GLT1D1: variants seen among roughly 807,000 people sequenced by gnomAD.
The protein encoded by GLT1D1 is glycosyltransferase 1 domain-containing protein 1.
GLT1D1 carries 21 observed loss-of-function variants against 28.7 expected under a neutral mutation model. The observed-to-expected ratio is 0.73, with a 90% CI of 0.52 to 1.05. GLT1D1 has a LOEUF of 1.05. Among genes scored for constraint, GLT1D1 ranks in the 50% least tolerant of loss-of-function variants. The pLI is 0.00. For synonymous variants in GLT1D1, 147 were observed against 124.8 expected, an observed-to-expected ratio of 1.18 and a Z score of -1.19; for missense variants, 343 against 330.6, an observed-to-expected ratio of 1.04 and a Z score of -0.29.
chr12:128,857,564 G>A (rs1956252167), intron 1 of GLT1D1, among the ~76,000 whole-genome samples: 1 of 152,110 alleles, frequency 6.6e-6, no homozygotes, highest in African/African-American at 2.4e-5. Flanking sequence ...TGGACGGGCG[G>A]GGAGGGAGGT....
At chr12:128,867,673 A>C (rs1470464497) in intron 1 of GLT1D1, among the ~76,000 whole-genome samples, 1 of 152,134 alleles carries the variant, frequency 6.6e-6, no homozygotes, top group African/African-American at 2.4e-5. Context: ...GCCATGGAGA[A>C]AGCTGACCTG....
chr12:128,888,816 C>T (rs1179998352), intron 3 of GLT1D1, 72 bp downstream of exon 3: 2 of 986,488 alleles, frequency 2.0e-6, no homozygotes, highest in Non-Finnish European at 3.1e-6. Context: ...AAACCAAAGA[C>T]CGAGGGCACC....
At position 128,888,644 on chromosome 12, in the gene GLT1D1, C is replaced by T. The variant is rs770732594; in HGVS notation, c.223C>T (p.Arg75Ter). Residue 75 changes from arginine (R) to a stop codon, truncating the protein, a stop_gained, in exon 3 of 8, where the codon CGA becomes TGA. Transcript: ENST00000281703. LOFTEE classifies it high-confidence loss of function. ...TGACTGTCATCGTTTTGCAGGCCAC[C>T]GAATCCCTTTTGGAGTCATCTTTGG... 2.1e-5 allele frequency: 34 copies of T among 1,608,798 alleles called. No homozygotes were observed. Among genetic ancestry groups the T allele is most frequent in the African/African-American group, 1.1e-4 (8 of 74,628 alleles).
rs191551333 is a variant in GLT1D1 at position 128,922,116 on chromosome 12, G to A, written c.375+22829G>A. ...TGTGTCACATATGGATGTGTACAGC[G>A]TCAGCTTGTCCCAATACTGGAGATC... On this transcript the variant is annotated intron_variant, in intron 4 of 7. Transcript: ENST00000281703. 1.0e-3 allele frequency among the ~76,000 whole-genome samples: 154 copies of A among 151,940 alleles called. 1 individual carries two copies. The highest frequency in any genetic ancestry group is 4.3e-4 in the Non-Finnish European group (29 of 67,978).
chr12:128,863,641 G>A (rs1331928580), intron 1 of GLT1D1, among the ~76,000 whole-genome samples: 1 of 152,136 alleles, frequency 6.6e-6, no homozygotes, highest in Non-Finnish European at 1.5e-5. Context: ...GCCTTCCAAA[G>A]TGCTGGGATT....
chr12:128,984,615 G>C lies in GLT1D1; in HGVS notation c.*1525G>C, dbSNP rs1880619724. The C allele has an allele frequency of 1.3e-5, 2 of 152,158 alleles. No homozygotes were observed. The highest frequency in any genetic ancestry group is 2.9e-5 in the Non-Finnish European group (2 of 68,112). 9.4% of individuals were successfully genotyped at this position (152,158 alleles called of 1,614,324 possible). ...ACCCCTTGTGTTTTCCCTCTGAGGG[G>C]CCCAAGGGTTATGGCTTTCATGTCT... On this transcript the variant is annotated 3_prime_UTR_variant, in exon 8 of 8. Coordinates refer to ENST00000281703, the MANE Select transcript of GLT1D1 (RefSeq NM_144669.3).
chr12:128,892,298 T>C (rs923127828), intron 3 of GLT1D1, among the ~76,000 whole-genome samples: 3 of 152,168 alleles, frequency 2.0e-5, no homozygotes, highest in African/African-American at 7.2e-5. Context: ...CGTGTGAGTG[T>C]GCATGTGTGT....
intron 1 of GLT1D1, among the ~76,000 whole-genome samples, chr12:128,865,510 T>C (rs1279182746): frequency 1.3e-5 from 2 of 151,936 alleles, no homozygotes; most frequent in Non-Finnish European, 2.9e-5. Flanking sequence ...ATCAAAATGT[T>C]AAAAAATATA....
At chr12:128,877,370 A>G (rs1027608151) in intron 2 of GLT1D1, among the ~76,000 whole-genome samples, 1 of 152,218 alleles carries the variant, frequency 6.6e-6, no homozygotes, top group Non-Finnish European at 1.5e-5. Flanking sequence ...AATGTGTCAC[A>G]CTTTCAAAAA....
At chr12:128,945,514 GGC>G in intron 5 of GLT1D1, 145 bp downstream of exon 9, 1 of 710,242 alleles carries the variant, frequency 1.4e-6, no homozygotes, top group South Asian at 1.6e-5. Flanking sequence ...GCGAGCCCGT[GGC>G]ATCCTAGGCA....
At chr12:128,945,935 G>T (rs774526787) in intron 5 of GLT1D1, among the ~76,000 whole-genome samples, 1 of 152,178 alleles carries the variant, frequency 6.6e-6, no homozygotes, top group African/African-American at 2.4e-5. Context: ...TGGGGTGATG[G>T]GAATGAGCAG....
At position 128,879,362 on chromosome 12, in the gene GLT1D1, CTTATTATTTTTTTCTTTTTCTTTCTT is replaced by C. The variant is rs1956947667; in HGVS notation, c.217+3302_217+3327del. 2.8e-5 allele frequency among the ~76,000 whole-genome samples: 4 copies of C among 140,570 alleles called. 1 individual carries two copies. Among genetic ancestry groups the C allele is most frequent in the African/African-American group, 1.1e-4 (4 of 35,250 alleles). 92.2% of individuals were successfully genotyped at this position (140,570 alleles called of 152,430 possible). On this transcript the variant is annotated intron_variant, in intron 2 of 7. Transcript: ENST00000281703. ...TTGTGTCATTTTCTGTAAAGTGATA[CTTATTATTTTTTTCTTTTTCTTTCTT>C]TCTTTCTTTCTTTCTTTCTTTCTTT... is the stretch of plus-strand genomic sequence containing the variant.
At chr12:128,941,905 C>CTTTTTTTTTTTTTTTTTTT (rs60663875) in intron 4 of GLT1D1, among the ~76,000 whole-genome samples, 21 of 75,350 alleles carry the variant, frequency 2.8e-4, no homozygotes, top group South Asian at 6.4e-4. Flanking sequence ...CTCTCTCTCT[C>CTTTTTTTTTTTTTTTTTTT]TTTTTTTTTT....
chr12:128,940,927 A>T (rs888135860), intron 4 of GLT1D1, among the ~76,000 whole-genome samples: 2 of 152,148 alleles, frequency 1.3e-5, no homozygotes, highest in Admixed American at 1.3e-4. Flanking sequence ...CCCCAAGAGG[A>T]TACCCTCTAT....
intron 2 of GLT1D1, among the ~76,000 whole-genome samples, chr12:128,881,583 T>C (rs1189566298): frequency 8.9e-6 from 1 of 111,736 alleles, no homozygotes; most frequent in Non-Finnish European, 1.8e-5. Flanking sequence ...TATATATATA[T>C]ATATATATAT....
At chr12:128,893,358 G>A (rs1593093599) in intron 3 of GLT1D1, among the ~76,000 whole-genome samples, 3 of 152,238 alleles carry the variant, frequency 2.0e-5, no homozygotes, top group Admixed American at 2.0e-4. Flanking sequence ...TATAGCACAC[G>A]ATAGGTTAAA....
At chr12:128,966,049 C>CA (rs1427815165) in intron 7 of GLT1D1, among the ~76,000 whole-genome samples, 2 of 152,216 alleles carry the variant, frequency 1.3e-5, no homozygotes, top group Admixed American at 6.5e-5. Flanking sequence ...TAATGCATCA[C>CA]ATTTGAGATG....
intron 1 of GLT1D1, among the ~76,000 whole-genome samples, chr12:128,867,463 A>AG (rs1956572418): frequency 6.8e-6 from 1 of 146,740 alleles, no homozygotes; most frequent in Non-Finnish European, 1.5e-5. Context: ...TGGCACCTGG[A>AG]GGGCAGGGAT....
intron 1 of GLT1D1, among the ~76,000 whole-genome samples, chr12:128,855,287 C>A: frequency 6.7e-6 from 1 of 150,174 alleles, no homozygotes; most frequent in Admixed American, 6.6e-5. Context: ...GGCAGGCTTT[C>A]ATGGCGGCTC....
Sources: gnomAD v4.1 joint callset for allele counts (sites outside exome capture counted in the v4.1 genomes callset) on GRCh38, gnomAD v4.1.1 for gene constraint, MANE v1.5 for transcripts, NCBI Gene and HGNC (gene_info 2026-07-23, HGNC 2026-07-21) for gene names.